PALM2AKAP2: variants seen among roughly 807,000 people sequenced by gnomAD.
PALM2AKAP2 encodes PALM2-AKAP2 fusion protein.
Under a neutral mutation model 71.5 loss-of-function variants are expected in PALM2AKAP2, and 37 were observed. The ratio of observed to expected loss-of-function variants is 0.52; its 90% confidence interval spans 0.40 to 0.68. PALM2AKAP2 has a LOEUF of 0.68. Among genes scored for constraint, PALM2AKAP2 ranks in the 30% least tolerant of loss-of-function variants. The pLI, the probability that PALM2AKAP2 is intolerant of heterozygous loss-of-function variation, is 0.00. For missense variants in PALM2AKAP2, 1,224 were observed against 1,191.8 expected (o/e 1.03, Z -0.40); for synonymous variants, 468 against 478.8 (o/e 0.98, Z 0.29).
At chr9:110,172,172 A>T (rs187759319) in exon 4 of PALM2AKAP2, 5 of 152,706 alleles carry the variant, frequency 3.3e-5, no homozygotes, top group African/African-American at 1.2e-4. Flanking sequence ...TAAACTATGT[A>T]TTGAAAAAAA....
chr9:109,786,011 G>T (rs1248797487), intron 1 of PALM2AKAP2, among the ~76,000 whole-genome samples: 5 of 152,216 alleles, frequency 3.3e-5, no homozygotes, highest in Non-Finnish European at 7.3e-5. Flanking sequence ...TGAGTTTATG[G>T]CTTTCATCTG....
chr9:110,115,131 C>A (rs1016559161), intron 1 of PALM2AKAP2, among the ~76,000 whole-genome samples: 4 of 152,150 alleles, frequency 2.6e-5, no homozygotes, highest in Non-Finnish European at 4.4e-5. Context: ...AGCTGACCAG[C>A]CCTCAGCTGC....
intron 1 of PALM2AKAP2, among the ~76,000 whole-genome samples, chr9:109,681,918 G>A (rs1443121888): frequency 6.6e-6 from 1 of 152,106 alleles, no homozygotes; most frequent in African/African-American, 2.4e-5. Context: ...AGGCATTCAG[G>A]TGACTGGGTT....
chr9:110,097,135 T>C (rs1305542068), intron 1 of PALM2AKAP2, among the ~76,000 whole-genome samples: 1 of 150,350 alleles, frequency 6.7e-6, no homozygotes, highest in African/African-American at 2.5e-5. Context: ...GTACTTGAGA[T>C]TAGGGAGTGG....
intron 1 of PALM2AKAP2, among the ~76,000 whole-genome samples, chr9:109,861,077 T>C (rs1022888651): frequency 1.1e-4 from 16 of 152,256 alleles, no homozygotes; most frequent in African/African-American, 3.4e-4. Context: ...TTCCCACTGC[T>C]GTGCCCTGGG....
chr9:109,673,835 C>G (rs1055799061), intron 1 of PALM2AKAP2, among the ~76,000 whole-genome samples: 4 of 151,972 alleles, frequency 2.6e-5, no homozygotes, highest in African/African-American at 7.2e-5. Context: ...TGAATTGAAC[C>G]CTTTACCATT....
chr9:109,940,095 G>A (rs1831324850), intron 6 of PALM2AKAP2, among the ~76,000 whole-genome samples: 1 of 152,078 alleles, frequency 6.6e-6, no homozygotes, highest in Non-Finnish European at 1.5e-5. Flanking sequence ...AACCATATTA[G>A]ACTCTTGAAT....
chr9:109,763,956 CCTTAACTAAATTA>C (rs1310182854), intron 1 of PALM2AKAP2, among the ~76,000 whole-genome samples: 2 of 152,080 alleles, frequency 1.3e-5, no homozygotes, highest in African/African-American at 4.8e-5. Context: ...ATCTCAATAT[CCTTAACTAAATTA>C]CTTCTGCAAA....
At chr9:109,778,753 G>A (rs1315965653), upstream of PALM2AKAP2, among the ~76,000 whole-genome samples, 1 of 144,824 alleles carries the variant, frequency 6.9e-6, no homozygotes, top group African/African-American at 2.5e-5. Flanking sequence ...GGTGATCTGG[G>A]AAAATTTGAT....
chr9:109,880,448 A>C, intron 2 of PALM2AKAP2, 103 bp from the exon 3 acceptor site: 2 of 1,495,348 alleles, frequency 1.3e-6, no homozygotes, highest in Non-Finnish European at 1.8e-6. Flanking sequence ...CGATTCAGGC[A>C]GCGCTGGTGA....
chr9:109,797,804 G>A (rs1827307446), intron 1 of PALM2AKAP2, among the ~76,000 whole-genome samples: 1 of 152,224 alleles, frequency 6.6e-6, no homozygotes. Context: ...GTCCCAAAAT[G>A]TTCAGAGTTG....
intron 1 of PALM2AKAP2, among the ~76,000 whole-genome samples, chr9:110,135,172 A>AATATATATATATATATAT (rs1554755286): frequency 1.6e-5 from 1 of 61,092 alleles, no homozygotes; most frequent in Admixed American, 2.1e-4. Flanking sequence ...AAAATATATA[A>AATATATATATATATATAT]ATATATATAT....
At chr9:109,782,781 T>A (rs1826853431) in intron 1 of PALM2AKAP2, among the ~76,000 whole-genome samples, 1 of 151,318 alleles carries the variant, frequency 6.6e-6, no homozygotes, top group Non-Finnish European at 1.5e-5. Context: ...TGTGTGTATG[T>A]GTGTGTGAGA....
intron 1 of PALM2AKAP2, among the ~76,000 whole-genome samples, chr9:110,122,564 G>T (rs1196410330): frequency 1.3e-5 from 2 of 152,184 alleles, no homozygotes. Flanking sequence ...TTAATGGGAG[G>T]ATTAAATAGA....
At chr9:109,837,591 A>G (rs932099366) in intron 1 of PALM2AKAP2, among the ~76,000 whole-genome samples, 1 of 152,208 alleles carries the variant, frequency 6.6e-6, no homozygotes, top group African/African-American at 2.4e-5. Flanking sequence ...GGCAAATTAG[A>G]TAAAGAGTCA....
intron 1 of PALM2AKAP2, among the ~76,000 whole-genome samples, chr9:109,813,131 A>G (rs1827766771): frequency 6.6e-6 from 1 of 152,236 alleles, no homozygotes; most frequent in Non-Finnish European, 1.5e-5. Flanking sequence ...AGCAGATCAG[A>G]TAAAGCCAAG....
At chr9:110,101,497 C>T (rs972664330) in intron 1 of PALM2AKAP2, among the ~76,000 whole-genome samples, 2 of 152,098 alleles carry the variant, frequency 1.3e-5, no homozygotes, top group African/African-American at 2.4e-5. Flanking sequence ...TCAAGGCAGA[C>T]AAAGGTAGTC....
intron 6 of PALM2AKAP2, among the ~76,000 whole-genome samples, chr9:109,998,992 G>A (rs1832628900): frequency 6.6e-6 from 1 of 152,132 alleles, no homozygotes; most frequent in African/African-American, 2.4e-5. Context: ...CCCAGACTGT[G>A]CTGACTGAGG....
At chr9:109,840,300 A>G (rs1362404381) in intron 1 of PALM2AKAP2, among the ~76,000 whole-genome samples, 2 of 152,226 alleles carry the variant, frequency 1.3e-5, no homozygotes, top group Non-Finnish European at 2.9e-5. Flanking sequence ...TGCTGGGAAA[A>G]CTGGCTAGCC....
Sources: gnomAD v4.1 joint callset for allele counts (sites outside exome capture counted in the v4.1 genomes callset) on GRCh38, gnomAD v4.1.1 for gene constraint, MANE v1.5 for transcripts, NCBI Gene and HGNC (gene_info 2026-07-23, HGNC 2026-07-21) for gene names.